NDEL1: variants seen among roughly 807,000 people sequenced by gnomAD.
The protein encoded by NDEL1 is nudE neurodevelopment protein 1 like 1.
A neutral mutation model predicts 45.7 loss-of-function variants in NDEL1; 9 were observed. The observed-to-expected ratio is 0.20, with a 90% CI of 0.12 to 0.34. The LOEUF (loss-of-function observed/expected upper bound fraction) is 0.34, where lower values mean the gene tolerates loss of function less well. NDEL1 is among the 10% of genes least tolerant of loss of function. The pLI is 1.00. For missense variants in NDEL1, 306 were observed against 406.2 expected, an observed-to-expected ratio of 0.75 and a Z score of 2.12; for synonymous variants, 133 against 158.6, an observed-to-expected ratio of 0.84 and a Z score of 1.21.
chr17:8,436,170 G>A, intron 1 of NDEL1, 125 bp downstream of exon 1: 1 of 251,222 alleles, frequency 4.0e-6, no homozygotes, highest in Non-Finnish European at 7.9e-6. Flanking sequence ...GGGCCGGGCC[G>A]GGTTCCGGGG....
chr17:8,428,323 G>T (rs1017002423), intron 1 of NDEL1, among the ~76,000 whole-genome samples: 32 of 62,052 alleles, frequency 5.2e-4, no homozygotes, highest in African/African-American at 2.3e-3. Context: ...AAGTGTGTGT[G>T]GTGTGTGTGT....
intron 5 of NDEL1, among the ~76,000 whole-genome samples, chr17:8,449,063 A>G (rs1175810717): frequency 2.0e-5 from 3 of 152,200 alleles, no homozygotes; most frequent in Admixed American, 1.3e-4. Context: ...GCTCACTGCA[A>G]ATTCCGCCTC....
chr17:8,416,999 A>G (rs1183458873), intron 1 of NDEL1, among the ~76,000 whole-genome samples: 1 of 152,108 alleles, frequency 6.6e-6, no homozygotes, highest in Non-Finnish European at 1.5e-5. Flanking sequence ...TTCTTGTTTC[A>G]TGATGTAATG....
At chr17:8,463,904 C>CTG (rs1911410034) in intron 8 of NDEL1, among the ~76,000 whole-genome samples, 1 of 151,636 alleles carries the variant, frequency 6.6e-6, no homozygotes, top group Non-Finnish European at 1.5e-5. Context: ...CTGGAGCAGG[C>CTG]TGGAGCTGCT....
Position 8,435,901 on chromosome 17 carries a change from G to T in NDEL1, c.-157G>T, listed in dbSNP as rs1316464365. 5 of 448,218 alleles carry T rather than the reference G, an allele frequency of 1.1e-5. No homozygotes were observed. The highest frequency in any genetic ancestry group is 2.2e-5 in the Non-Finnish European group (5 of 223,576). 27.8% of individuals were successfully genotyped at this position (448,218 alleles called of 1,614,324 possible). A position where few individuals can be genotyped will look rare whatever the true frequency, so the allele number is the denominator to read the frequency against. On this transcript the variant is annotated 5_prime_UTR_variant, in exon 1 of 9. Transcript: ENST00000334527. ...ACCCAGGCAGTCCCTGACGTGTCGGGGAGGAGCCGGGCGCGGAGGTACGCT... is the reference window on the plus strand; with the variant it reads ...ACCCAGGCAGTCCCTGACGTGTCGGTGAGGAGCCGGGCGCGGAGGTACGCT...
At chr17:8,461,070 C>G (rs188642590) in intron 8 of NDEL1, 1 of 152,140 alleles carries the variant, frequency 6.6e-6, no homozygotes, top group South Asian at 2.1e-4. Flanking sequence ...AACAGGCACC[C>G]GTGATCCTTG....
downstream of NDEL1, among the ~76,000 whole-genome samples, chr17:8,469,705 CTTTTT>C (rs60226650): frequency 7.7e-6 from 1 of 129,182 alleles, no homozygotes. Context: ...ACTTTAGTGA[CTTTTT>C]TTTTTTTTTT....
chr17:8,463,219 T>G, intron 8 of NDEL1: 1 of 809,994 alleles, frequency 1.2e-6, no homozygotes, highest in Non-Finnish European at 2.0e-6. Context: ...CCACTCTGAG[T>G]TCTTTTGGGC....
intron 7 of NDEL1, among the ~76,000 whole-genome samples, chr17:8,457,234 G>A (rs1183741629): frequency 1.3e-5 from 2 of 152,046 alleles, no homozygotes; most frequent in Non-Finnish European, 2.9e-5. Context: ...ACTCTTTGTG[G>A]GATGCCCTGA....
At chr17:8,460,694 A>C (rs1226032938) in intron 8 of NDEL1, among the ~76,000 whole-genome samples, 2 of 152,158 alleles carry the variant, frequency 1.3e-5, no homozygotes, top group African/African-American at 4.8e-5. Flanking sequence ...TAATGCAAAA[A>C]ATTTCAGTTA....
Position 8,448,450 on chromosome 17 carries a change from A to G in NDEL1, c.390-100A>G, listed in dbSNP as rs1910238211. ...TTCTTTGATTGGGGCCAGGCTGGCTAGGTCAGGAAATGTCACGAGATAAAC... is the reference window on the plus strand; with the variant it reads ...TTCTTTGATTGGGGCCAGGCTGGCTGGGTCAGGAAATGTCACGAGATAAAC... On this transcript the variant is annotated intron_variant, in intron 4 of 8. Transcript: ENST00000334527. The G allele has an allele frequency of 6.3e-6, 8 of 1,269,828 alleles. No individual in the cohort carries two copies. In the Admixed American group the frequency reaches 1.2e-4, roughly 20 times the overall value. The allele number at this position is 1,269,828 out of a possible 1,614,324, so 78.7% of individuals were successfully genotyped here. A position where few individuals can be genotyped will look rare whatever the true frequency, so the allele number is the denominator to read the frequency against.
chr17:8,431,856 C>T (rs954776868), upstream of NDEL1: 2 of 146,716 alleles, frequency 1.4e-5, no homozygotes, highest in African/African-American at 5.0e-5. Context: ...TCAACGTAAG[C>T]TCCCTCAAGG....
chr17:8,436,080 C>A, intron 1 of NDEL1, 35 bp downstream of exon 1: 1 of 358,964 alleles, frequency 2.8e-6, no homozygotes. Flanking sequence ...CCCTAAGGGG[C>A]TGCGCTGGGC....
chr17:8,417,134 CG>C (rs1762198784), intron 1 of NDEL1, among the ~76,000 whole-genome samples: 1 of 151,024 alleles, frequency 6.6e-6, no homozygotes, highest in Non-Finnish European at 1.5e-5. Flanking sequence ...TTCTTTTTTT[CG>C]AGACAGACTC....
chr17:8,454,660 T>C, intron 6 of NDEL1, 136 bp from the exon 7 acceptor site: 1 of 665,386 alleles, frequency 1.5e-6, no homozygotes, highest in South Asian at 1.9e-5. Flanking sequence ...CTATTTATGG[T>C]ATCTATACTT....
chr17:8,454,046 C>T (rs1248570517), intron 6 of NDEL1, among the ~76,000 whole-genome samples: 1 of 151,984 alleles, frequency 6.6e-6, no homozygotes, highest in Non-Finnish European at 1.5e-5. Context: ...ATCTTATAGA[C>T]AACTATAATT....
intron 1 of NDEL1, among the ~76,000 whole-genome samples, chr17:8,413,535 T>C (rs556310191): frequency 6.6e-6 from 1 of 152,344 alleles, no homozygotes; most frequent in South Asian, 2.1e-4. Context: ...CACCTTGATT[T>C]GGTTTCCTAT....
At chr17:8,449,828 C>T (rs989584933) in intron 5 of NDEL1, among the ~76,000 whole-genome samples, 3 of 152,118 alleles carry the variant, frequency 2.0e-5, no homozygotes, top group South Asian at 2.1e-4. Context: ...CGAATGATAC[C>T]GCTGTGAACA....
At chr17:8,424,690 G>A (rs1186263627) in intron 1 of NDEL1, among the ~76,000 whole-genome samples, 5 of 152,148 alleles carry the variant, frequency 3.3e-5, no homozygotes, top group Admixed American at 3.3e-4. Context: ...ATTTTTAGTA[G>A]AGATGGGGTT....
Sources: allele counts gnomAD v4.1 joint callset (sites outside exome capture counted in the v4.1 genomes callset), GRCh38; gene constraint gnomAD v4.1.1; transcripts MANE v1.5; gene names NCBI Gene and HGNC (gene_info 2026-07-23, HGNC 2026-07-21).